Variants in GPR39 observed in about 807,000 individuals in gnomAD.
The protein encoded by GPR39 is zinc sensing receptor.
GPR39 carries 23 observed loss-of-function variants against 18.4 expected under a neutral mutation model. That is an observed-to-expected ratio of 1.25 (90% CI 0.90 to 1.77). GPR39 has a LOEUF of 1.77. GPR39 is among the 40% of genes most tolerant of loss of function. The pLI is 0.00. For synonymous variants in GPR39, 280 were observed against 257.9 expected (o/e 1.09, Z -0.82); for missense variants, 647 against 602.4 (o/e 1.07, Z -0.78).
intron 1 of GPR39, among the ~76,000 whole-genome samples, chr2:132,597,345 T>C (rs1251819116): frequency 6.6e-6 from 1 of 152,250 alleles, no homozygotes; most frequent in Admixed American, 6.5e-5. Context: ...AAACCCTTTC[T>C]TCTGAGCTTC....
chr2:132,428,933 G>A (rs984002772), intron 1 of GPR39, among the ~76,000 whole-genome samples: 5 of 152,166 alleles, frequency 3.3e-5, no homozygotes, highest in African/African-American at 4.8e-5. Flanking sequence ...TAACATTGGG[G>A]GTCGGGGTTT....
At chr2:132,594,381 A>C (rs1680900614) in intron 1 of GPR39, among the ~76,000 whole-genome samples, 3 of 152,044 alleles carry the variant, frequency 2.0e-5, no homozygotes, top group Non-Finnish European at 4.4e-5. Context: ...GTGCCTGTGC[A>C]TGTCTTGCCT....
intron 1 of GPR39, among the ~76,000 whole-genome samples, chr2:132,627,269 A>G (rs904973673): frequency 6.6e-6 from 1 of 152,146 alleles, no homozygotes; most frequent in African/African-American, 2.4e-5. Context: ...GTCAGGGACA[A>G]TGGCTCCCCA....
rs990110249 is a variant in GPR39 at position 132,645,026 on chromosome 2, G to A, written c.857-75G>A. The A allele has an allele frequency of 8.7e-6, 13 of 1,499,920 alleles. 1 individual carries two copies. In the South Asian group the frequency reaches 1.6e-4, roughly 18 times the overall value. The allele number at this position is 1,499,920 out of a possible 1,614,324, so 92.9% of individuals were successfully genotyped here. ...GAACAGAGGGGCTAAATATTTTATG[G>A]TTTTATTCATTTACTGTGTTCTCAT... On this transcript the variant is annotated intron_variant, in intron 1 of 1. Transcript: ENST00000329321.
intron 1 of GPR39, among the ~76,000 whole-genome samples, chr2:132,472,267 G>C (rs113838598): frequency 6.6e-6 from 1 of 152,120 alleles, no homozygotes; most frequent in Non-Finnish European, 1.5e-5. Context: ...ATTCATGTGA[G>C]ATACAAAGAT....
chr2:132,549,637 A>C (rs929031351), intron 1 of GPR39, among the ~76,000 whole-genome samples: 1 of 152,082 alleles, frequency 6.6e-6, no homozygotes, highest in Non-Finnish European at 1.5e-5. Flanking sequence ...AAATACAAAA[A>C]ATTAGCCAGA....
chr2:132,572,197 T>C (rs1420922898), intron 1 of GPR39, among the ~76,000 whole-genome samples: 1 of 152,182 alleles, frequency 6.6e-6, no homozygotes, highest in East Asian at 1.9e-4. Context: ...GACCTTCTAA[T>C]ATCTTCCACT....
At chr2:132,458,923 G>C (rs1200190645) in intron 1 of GPR39, among the ~76,000 whole-genome samples, 2 of 152,238 alleles carry the variant, frequency 1.3e-5, no homozygotes, top group South Asian at 2.1e-4. Flanking sequence ...TGACATATCT[G>C]TGTGTCTCCT....
In GPR39 at chr2:132,417,889, A is replaced by G. The variant is rs1476520477; in HGVS notation, c.847A>G (p.Ile283Val). ...ESRTARRQTI[I>V]FLRLIVVTLA... ...CAGGACCGCCAGGAGGCAGACCATCATCTTCCTGAGTGAGTCCTAAGTCGG... is the reference window on the plus strand; with the variant it reads ...CAGGACCGCCAGGAGGCAGACCATCGTCTTCCTGAGTGAGTCCTAAGTCGG... Residue 283 changes from isoleucine to valine, a missense_variant, in exon 1 of 2, where the codon ATC (isoleucine) becomes GTC (valine). Ile to Val is a conservative substitution (Grantham distance 29). Coordinates refer to ENST00000329321, the MANE Select transcript of GPR39 (RefSeq NM_001508.3). 1.3e-6 allele frequency: 2 copies of G among 1,587,458 alleles called. No individual in the cohort carries two copies. Among genetic ancestry groups the G allele is most frequent in the Middle Eastern group, 1.8e-4 (1 of 5,688 alleles).
At chr2:132,547,951 G>C (rs145996695) in intron 1 of GPR39, among the ~76,000 whole-genome samples, 54 of 152,232 alleles carry the variant, frequency 3.5e-4, no homozygotes, top group African/African-American at 1.3e-3. Flanking sequence ...GGCTTTGCCT[G>C]CTTTACTGGG....
intron 1 of GPR39, among the ~76,000 whole-genome samples, chr2:132,494,987 G>C (rs1165420944): frequency 6.6e-6 from 1 of 152,192 alleles, no homozygotes; most frequent in Non-Finnish European, 1.5e-5. Flanking sequence ...AGCACCCTGA[G>C]GGGATAGGGG....
intron 1 of GPR39, among the ~76,000 whole-genome samples, chr2:132,509,274 G>A (rs1679195263): frequency 6.6e-6 from 1 of 152,106 alleles, no homozygotes; most frequent in African/African-American, 2.4e-5. Context: ...ATTTCTGATT[G>A]TTCAAAATAA....
At chr2:132,447,533 C>A (rs1020864302) in intron 1 of GPR39, among the ~76,000 whole-genome samples, 4 of 152,208 alleles carry the variant, frequency 2.6e-5, no homozygotes, top group Admixed American at 6.5e-5. Flanking sequence ...GTCCACAAAT[C>A]TCTCAAATTT....
At chr2:132,516,297 G>A (rs1337013591) in intron 1 of GPR39, among the ~76,000 whole-genome samples, 2 of 152,200 alleles carry the variant, frequency 1.3e-5, no homozygotes. Context: ...CAGACAACGG[G>A]TCTCTAGGAA....
In GPR39 at chr2:132,645,926, G is replaced by A. The variant is rs1334998352; in HGVS notation, c.*320G>A. The stretch of plus-strand genomic sequence containing the variant: ...TTTGCACAGGAACAAAAGAGAACAC[G>A]GACTCCCGCTCCCTACCCAGAATAA... On this transcript the variant is annotated 3_prime_UTR_variant, in exon 2 of 2. Transcript: ENST00000329321. 4.1e-6 allele frequency: 3 copies of A among 737,974 alleles called. No homozygotes were observed. Among genetic ancestry groups the A allele is most frequent in the Admixed American group, 3.3e-5 (1 of 30,110 alleles). The allele number at this position is 737,974 out of a possible 1,614,324, so 45.7% of individuals were successfully genotyped here.
chr2:132,516,653 A>G (rs1321510910), intron 1 of GPR39, among the ~76,000 whole-genome samples: 1 of 152,194 alleles, frequency 6.6e-6, no homozygotes, highest in Non-Finnish European at 1.5e-5. Flanking sequence ...TTGTACCTAC[A>G]GTTACCTCCT....
chr2:132,453,450 A>G (rs1680665521), intron 1 of GPR39, among the ~76,000 whole-genome samples: 1 of 152,156 alleles, frequency 6.6e-6, no homozygotes, highest in Non-Finnish European at 1.5e-5. Context: ...CTCTGACAGT[A>G]GTTTCTTTTG....
At chr2:132,481,375 C>T (rs971813496) in intron 1 of GPR39, among the ~76,000 whole-genome samples, 12 of 152,178 alleles carry the variant, frequency 7.9e-5, no homozygotes, top group Non-Finnish European at 8.8e-5. Context: ...AGACTGGTTT[C>T]ACCTTGGCAT....
At chr2:132,593,419 C>T (rs1680880410) in intron 1 of GPR39, among the ~76,000 whole-genome samples, 1 of 152,162 alleles carries the variant, frequency 6.6e-6, no homozygotes, top group Admixed American at 6.5e-5. Flanking sequence ...TAGGGACCCA[C>T]CATGAGTCAC....
Sources: gnomAD v4.1 joint callset for allele counts (sites outside exome capture counted in the v4.1 genomes callset) on GRCh38, gnomAD v4.1.1 for gene constraint, MANE v1.5 for transcripts, NCBI Gene and HGNC (gene_info 2026-07-23, HGNC 2026-07-21) for gene names.